KIRREL3: variants seen among roughly 807,000 people sequenced by gnomAD.
The protein encoded by KIRREL3 is kin of IRRE-like protein 3.
Under a neutral mutation model 89.7 loss-of-function variants are expected in KIRREL3, and 36 were observed. That is an observed-to-expected ratio of 0.40 (90% CI 0.31 to 0.53). KIRREL3 has a LOEUF of 0.53. KIRREL3 is among the 20% of genes least tolerant of loss of function. The pLI is 0.49. For missense variants in KIRREL3, 864 were observed against 1,056.6 expected (o/e 0.82, Z 2.53); for synonymous variants, 445 against 441.4 (o/e 1.01, Z -0.10).
At chr11:126,745,171 C>G (rs1174143146) in intron 1 of KIRREL3, among the ~76,000 whole-genome samples, 3 of 152,128 alleles carry the variant, frequency 2.0e-5, no homozygotes, top group Non-Finnish European at 2.9e-5. Flanking sequence ...ACTGGTTTCT[C>G]CCCCGAAAGG....
In KIRREL3 at chr11:126,424,487, C is replaced by G; in HGVS notation, c.*93G>C. On this transcript the variant is annotated 3_prime_UTR_variant, in exon 17 of 17. Transcript: ENST00000525144. ...GAGGCTGTCCTGGAAGTGGCCAATT[C>G]TGGTGTCCTCTGCAAAGTACCCCTC... 8.0e-7 allele frequency: 1 copy of G among 1,250,662 alleles called. No individual in the cohort carries two copies. Among genetic ancestry groups the G allele is most frequent in the Non-Finnish European group, 1.1e-6 (1 of 894,376 alleles). The allele number at this position is 1,250,662 out of a possible 1,614,324, so 77.5% of individuals were successfully genotyped here. A position where few individuals can be genotyped will look rare whatever the true frequency, so the allele number is the denominator to read the frequency against.
rs1168600737 is a variant in KIRREL3 at position 126,521,263 on chromosome 11, AGCCCTT to A, written c.433+46_433+51del. 3.4e-6 allele frequency: 5 copies of A among 1,463,300 alleles called. No individual in the cohort carries two copies. The Admixed American group carries it at 9.2e-5, about 27-fold the overall frequency. 90.6% of individuals were successfully genotyped at this position (1,463,300 alleles called of 1,614,324 possible). ...CCAAAAAAATACCCTCTTGGAGCTG[AGCCCTT>A]GGTGCTTCACGCAGTGTCCCAGCCC... On this transcript the variant is annotated intron_variant, in intron 4 of 16. Transcript: ENST00000525144. The surrounding 1 kb of genome is among the most constrained non-coding windows in gnomAD (Gnocchi z 4.1).
intron 1 of KIRREL3, among the ~76,000 whole-genome samples, chr11:126,958,823 T>C (rs1948999474): frequency 6.6e-6 from 1 of 152,190 alleles, no homozygotes; most frequent in Non-Finnish European, 1.5e-5. Flanking sequence ...CTTCCTCCTC[T>C]AAGTGCCCCT....
Position 126,776,506 on chromosome 11 carries a change from C to G in KIRREL3, c.56-213594G>C, listed in dbSNP as rs1218713323. On this transcript the variant is annotated intron_variant, in intron 1 of 16. Coordinates refer to ENST00000525144, the MANE Select transcript of KIRREL3 (RefSeq NM_032531.4). The surrounding 1 kb of genome is among the most constrained non-coding windows in gnomAD (Gnocchi z 4.7). ...ATATGGTGCTGCAGGACACTGGCTG[C>G]AGACAGGTCTCTACTAGGTGTCAGA... 6.6e-6 allele frequency among the ~76,000 whole-genome samples: 1 copy of G among 152,072 alleles called. No homozygotes were observed. Among genetic ancestry groups the G allele is most frequent in the African/African-American group, 2.4e-5 (1 of 41,438 alleles).
In KIRREL3 at chr11:126,424,251, T is replaced by G; in HGVS notation, c.*329A>C. The G allele has an allele frequency of 1.1e-5, 4 of 377,392 alleles. No homozygotes were observed. The highest frequency in any genetic ancestry group is 7.3e-4 in the Middle Eastern group (1 of 1,372). 23.4% of individuals were successfully genotyped at this position (377,392 alleles called of 1,614,324 possible). Reference sequence around the variant, plus strand: ...GGACCGCAGTTTCATGAAAGCAGAGTTATAGCTGCCACTTGTGCCTGTGGG... The same window carrying G: ...GGACCGCAGTTTCATGAAAGCAGAGGTATAGCTGCCACTTGTGCCTGTGGG... On this transcript the variant is annotated 3_prime_UTR_variant, in exon 17 of 17. Transcript: ENST00000525144.
Position 126,830,978 on chromosome 11 carries a change from C to T in KIRREL3, c.55+169477G>A, listed in dbSNP as rs1565334872. Among the ~76,000 whole-genome samples the T allele has an allele frequency of 6.6e-6, 1 of 152,178 alleles. No homozygotes were observed. The highest frequency in any genetic ancestry group is 1.5e-5 in the Non-Finnish European group (1 of 68,040). On this transcript the variant is annotated intron_variant, in intron 1 of 16. Coordinates refer to ENST00000525144, the MANE Select transcript of KIRREL3 (RefSeq NM_032531.4). This position sits in a 1 kb window ranked among gnomAD's most constrained non-coding sequence, Gnocchi z 4.9. ...GGGCATTACTATCACCCAGATTTCACAGATGCTAAACCCCCAGCATAGCAG... is the reference window on the plus strand; with the variant it reads ...GGGCATTACTATCACCCAGATTTCATAGATGCTAAACCCCCAGCATAGCAG...
Position 126,568,079 on chromosome 11 carries a change from T to C in KIRREL3, c.56-5167A>G, listed in dbSNP as rs948584576. On this transcript the variant is annotated intron_variant, in intron 1 of 16. Coordinates refer to ENST00000525144, the MANE Select transcript of KIRREL3 (RefSeq NM_032531.4). The surrounding 1 kb of genome is among the most constrained non-coding windows in gnomAD (Gnocchi z 4.6). ...AAGCCTATCAAACAAGAAACAGAAA[T>C]TAATGGCAGGCAGTTTGGTGTGGCT... Among the ~76,000 whole-genome samples, 3 of 152,008 alleles carry C rather than the reference T, an allele frequency of 2.0e-5. No individual in the cohort carries two copies. Among genetic ancestry groups the C allele is most frequent in the African/African-American group, 7.2e-5 (3 of 41,408 alleles).
intron 5 of KIRREL3, among the ~76,000 whole-genome samples, chr11:126,472,930 TC>T (rs1956940466): frequency 4.2e-5 from 2 of 47,620 alleles, no homozygotes; most frequent in Admixed American, 5.6e-4. Flanking sequence ...GCCCCCATTA[TC>T]CCCCCTCTAC....
chr11:126,716,644 G>A (rs192480040), intron 1 of KIRREL3, among the ~76,000 whole-genome samples: 234 of 151,888 alleles, frequency 1.5e-3, no homozygotes, highest in African/African-American at 5.4e-3. Context: ...AACACCAGGG[G>A]GAGCTATCAC....
At chr11:126,644,269 A>C (rs1944579494) in intron 1 of KIRREL3, among the ~76,000 whole-genome samples, 1 of 152,202 alleles carries the variant, frequency 6.6e-6, no homozygotes, top group African/African-American at 2.4e-5. Flanking sequence ...GTAGAGGTAA[A>C]ACATGAGGCT....
In KIRREL3 at chr11:126,443,447, T is replaced by G. The variant is rs1378048299; in HGVS notation, c.1252+1532A>C. Among the ~76,000 whole-genome samples, 2 of 152,034 alleles carry G rather than the reference T, an allele frequency of 1.3e-5. No homozygotes were observed. Among genetic ancestry groups the G allele is most frequent in the Non-Finnish European group, 2.9e-5 (2 of 67,998 alleles). ...TTATTTTTAGCCCTGCAGTGCCAATTTATTGGTGGCATCCTGGGGACACTC... is the reference window on the plus strand; with the variant it reads ...TTATTTTTAGCCCTGCAGTGCCAATGTATTGGTGGCATCCTGGGGACACTC... On this transcript the variant is annotated intron_variant, in intron 10 of 16. Transcript: ENST00000525144. This position sits in a 1 kb window ranked among gnomAD's most constrained non-coding sequence, Gnocchi z 7.3.
intron 1 of KIRREL3, among the ~76,000 whole-genome samples, chr11:126,790,947 C>A (rs1950621428): frequency 6.6e-6 from 1 of 152,092 alleles, no homozygotes. Context: ...TTAGAAATGG[C>A]CTGTGTTCTT....
intron 1 of KIRREL3, among the ~76,000 whole-genome samples, chr11:126,671,661 C>T (rs552295455): frequency 6.6e-6 from 1 of 151,344 alleles, no homozygotes; most frequent in South Asian, 2.1e-4. Context: ...ACACAGATGG[C>T]AAAGAAACAT....
At chr11:126,503,193 A>G (rs1436791893) in intron 4 of KIRREL3, among the ~76,000 whole-genome samples, 3 of 151,990 alleles carry the variant, frequency 2.0e-5, no homozygotes, top group Non-Finnish European at 2.9e-5. Context: ...GTGAAAAGGG[A>G]GTGTTGCTGG....
chr11:126,497,936 G>T (rs77155492), intron 4 of KIRREL3, among the ~76,000 whole-genome samples: 2,543 of 151,826 alleles, frequency 0.017, 67 homozygotes, highest in African/African-American at 0.056. Context: ...CAGAGAGTTT[G>T]TGGGCCCCCG....
At chr11:126,822,687 C>T (rs1400730095) in intron 1 of KIRREL3, among the ~76,000 whole-genome samples, 2 of 152,124 alleles carry the variant, frequency 1.3e-5, no homozygotes, top group Middle Eastern at 3.2e-3. Flanking sequence ...CATGTGGCAT[C>T]CACTAAAGTC....
chr11:126,548,914 C>A lies in KIRREL3; in HGVS notation c.133+13921G>T, dbSNP rs369487554. 5.8e-4 allele frequency among the ~76,000 whole-genome samples: 88 copies of A among 152,286 alleles called. 1 individual carries two copies. Among genetic ancestry groups the A allele is most frequent in the African/African-American group, 2.1e-3 (88 of 41,560 alleles). On this transcript the variant is annotated intron_variant, in intron 2 of 16. Coordinates refer to ENST00000525144, the MANE Select transcript of KIRREL3 (RefSeq NM_032531.4). ...ATCTGGAAGCATCCACAGCCACACT[C>A]ACACCTCTGTACCTTCCCCACCTAA...
chr11:126,682,046 A>C lies in KIRREL3; in HGVS notation c.56-119134T>G. ...CATCTTTATATTCATTTCCAGATTT[A>C]AAGTTCTATGTTGTATTTTATTTGA... On this transcript the variant is annotated intron_variant, in intron 1 of 16. Transcript: ENST00000525144. The surrounding 1 kb of genome is among the most constrained non-coding windows in gnomAD (Gnocchi z 4.8). 2.8e-6 allele frequency: 1 copy of C among 355,614 alleles called. No homozygotes were observed. Among genetic ancestry groups the C allele is most frequent in the Non-Finnish European group, 5.6e-6 (1 of 179,858 alleles). 22.0% of individuals were successfully genotyped at this position (355,614 alleles called of 1,614,324 possible). A position where few individuals can be genotyped will look rare whatever the true frequency, so the allele number is the denominator to read the frequency against.
chr11:126,703,926 T>TC lies in KIRREL3; in HGVS notation c.56-141015dup, dbSNP rs1228674296. ...GGGACATCTACATACCTTGCATTCC[T>TC]CCCCTTTCACAGAAAGGAAGAAGAA... On this transcript the variant is annotated intron_variant, in intron 1 of 16. Transcript: ENST00000525144. The surrounding 1 kb of genome is among the most constrained non-coding windows in gnomAD (Gnocchi z 4.6). Among the ~76,000 whole-genome samples, 6 of 138,038 alleles carry TC rather than the reference T, an allele frequency of 4.3e-5. No individual in the cohort carries two copies. Among genetic ancestry groups the TC allele is most frequent in the African/African-American group, 1.7e-4 (6 of 35,774 alleles). 90.6% of individuals were successfully genotyped at this position (138,038 alleles called of 152,430 possible). A position where few individuals can be genotyped will look rare whatever the true frequency, so the allele number is the denominator to read the frequency against.
Sources: gnomAD v4.1 joint callset for allele counts (sites outside exome capture counted in the v4.1 genomes callset) on GRCh38, gnomAD v4.1.1 for gene constraint, Gnocchi (gnomAD v3.1) non-coding constraint, MANE v1.5 for transcripts, NCBI Gene and HGNC (gene_info 2026-07-23, HGNC 2026-07-21) for gene names.